Variants in ANKFN1 observed in about 807,000 individuals in gnomAD.
ANKFN1 encodes ankyrin repeat and fibronectin type III domain containing 1, also known as ankyrin repeat and fibronectin type-III domain-containing protein 1.
In ANKFN1, 74 loss-of-function variants were observed where a neutral mutation model predicts 108.7. The observed-to-expected ratio is 0.68, with a 90% confidence interval of 0.56 to 0.83. ANKFN1 has a LOEUF of 0.83. Among genes scored for constraint, ANKFN1 ranks in the 40% least tolerant of loss-of-function variants. ANKFN1 has a pLI of 0.00. For synonymous variants in ANKFN1, 547 were observed against 516.2 expected (o/e 1.06, Z -0.81); for missense variants, 1,505 against 1,382.3 (o/e 1.09, Z -1.41).
At chr17:56,375,090 TA>T (rs565923892) in intron 8 of ANKFN1, among the ~76,000 whole-genome samples, 383 of 151,976 alleles carry the variant, frequency 2.5e-3, no homozygotes, top group African/African-American at 8.9e-3. Context: ...AAGTAGGGGT[TA>T]AAAAAAACAA....
At chr17:56,172,618 T>C (rs1910781587) in intron 1 of ANKFN1, among the ~76,000 whole-genome samples, 1 of 151,852 alleles carries the variant, frequency 6.6e-6, no homozygotes, top group African/African-American at 2.4e-5. Context: ...CAACTCAGAG[T>C]CTAGAGGCTG....
chr17:56,136,255 T>C (rs1161394663), intron 4 of ANKFN1, among the ~76,000 whole-genome samples: 1 of 152,072 alleles, frequency 6.6e-6, no homozygotes, highest in Non-Finnish European at 1.5e-5. Flanking sequence ...GGCCCAGAGA[T>C]CCCAGTGTTC....
chr17:56,244,955 A>G (rs1371116346), intron 3 of ANKFN1, among the ~76,000 whole-genome samples: 1 of 152,148 alleles, frequency 6.6e-6, no homozygotes, highest in Non-Finnish European at 1.5e-5. Flanking sequence ...ATTTCAACAT[A>G]TGTTTCCCAA....
At chr17:56,218,183 TTCTCTCTC>T (rs72257132) in intron 2 of ANKFN1, among the ~76,000 whole-genome samples, 20 of 146,084 alleles carry the variant, frequency 1.4e-4, no homozygotes, top group Admixed American at 1.0e-3. Context: ...CCTTAGCCCC[TTCTCTCTC>T]TCTCTCTCTC....
intron 4 of ANKFN1, among the ~76,000 whole-genome samples, chr17:56,130,459 T>C (rs1013228189): frequency 1.3e-5 from 2 of 152,132 alleles, no homozygotes; most frequent in African/African-American, 2.4e-5. Flanking sequence ...CAAAGTGCAA[T>C]ATCTCAAGTA....
intron 1 of ANKFN1, among the ~76,000 whole-genome samples, chr17:56,161,413 T>C (rs1349495059): frequency 6.6e-6 from 1 of 152,198 alleles, no homozygotes; most frequent in African/African-American, 2.4e-5. Context: ...CACTCTGTAT[T>C]ACTTTGATAT....
chr17:56,347,754 G>A (rs150757550), intron 4 of ANKFN1, among the ~76,000 whole-genome samples: 1 of 152,086 alleles, frequency 6.6e-6, no homozygotes, highest in Admixed American at 6.6e-5. Context: ...GACAGCTGGG[G>A]GAGGATGAGA....
intron 11 of ANKFN1, among the ~76,000 whole-genome samples, chr17:56,454,128 T>C (rs1429759716): frequency 6.6e-6 from 1 of 152,228 alleles, no homozygotes; most frequent in Non-Finnish European, 1.5e-5. Flanking sequence ...ATTCAGATTT[T>C]GGTTCTCCCA....
chr17:56,371,016 A>G (rs541031593), intron 6 of ANKFN1, among the ~76,000 whole-genome samples: 157 of 151,682 alleles, frequency 1.0e-3, no homozygotes, highest in Non-Finnish European at 2.0e-3. Context: ...CAGCACTTAT[A>G]TTATCATTTA....
intron 20 of ANKFN1, among the ~76,000 whole-genome samples, chr17:56,506,348 T>A (rs1356626697): frequency 6.6e-6 from 1 of 152,094 alleles, no homozygotes; most frequent in Non-Finnish European, 1.5e-5. Flanking sequence ...GGGTGGATCC[T>A]ACACCCAATG....
In ANKFN1 at chr17:56,515,171, CAT is replaced by C. The variant is rs370842013; in HGVS notation, c.*3903_*3904del. 4.3e-4 allele frequency among the ~76,000 whole-genome samples: 65 copies of C among 152,204 alleles called. No individual in the cohort carries two copies. The highest frequency in any genetic ancestry group is 3.1e-3 in the East Asian group (16 of 5,178). On this transcript the variant is annotated 3_prime_UTR_variant, in exon 21 of 21. Coordinates refer to ENST00000682825, the MANE Select transcript of ANKFN1 (RefSeq NM_001370326.1). ...ATTCACTGGCTTCTGAAAATGTACA[CAT>C]GTTAGGAAGGTGATGACATTTTTCT...
chr17:56,412,466 T>C (rs2048120642), intron 8 of ANKFN1, among the ~76,000 whole-genome samples: 1 of 152,200 alleles, frequency 6.6e-6, no homozygotes, highest in African/African-American at 2.4e-5. Flanking sequence ...GTCAGTGGAC[T>C]GGGAGAGGCA....
intron 4 of ANKFN1, among the ~76,000 whole-genome samples, chr17:56,143,993 C>G (rs1908081915): frequency 6.6e-6 from 1 of 152,066 alleles, no homozygotes; most frequent in African/African-American, 2.4e-5. Context: ...GTGTGATAAT[C>G]TGCTATAGTA....
chr17:56,458,655 T>C lies in ANKFN1; in HGVS notation c.1557+676T>C, dbSNP rs2049796875. Reference sequence around the variant, plus strand: ...TTTTCTGGGTTTTCCTCTTACTGTTTTCTGGTATTAAGTGAATTTGTGAAT... The same window carrying C: ...TTTTCTGGGTTTTCCTCTTACTGTTCTCTGGTATTAAGTGAATTTGTGAAT... On this transcript the variant is annotated intron_variant, in intron 14 of 20. Transcript: ENST00000682825. Among the ~76,000 whole-genome samples, 3 of 152,194 alleles carry C rather than the reference T, an allele frequency of 2.0e-5. No homozygotes were observed. The South Asian group carries it at 6.2e-4, about 32-fold the overall frequency.
intron 8 of ANKFN1, among the ~76,000 whole-genome samples, chr17:56,431,749 GA>G (rs1239090713): frequency 6.6e-6 from 1 of 152,242 alleles, no homozygotes; most frequent in African/African-American, 2.4e-5. Context: ...CATCTGGCAA[GA>G]AAGTTGAACT....
intron 4 of ANKFN1, among the ~76,000 whole-genome samples, chr17:56,082,749 G>A (rs964115673): frequency 1.3e-5 from 2 of 152,186 alleles, no homozygotes; most frequent in African/African-American, 4.8e-5. Context: ...ACAATCTGGT[G>A]AGACAACACA....
At chr17:56,258,835 C>T (rs979599112) in intron 3 of ANKFN1, among the ~76,000 whole-genome samples, 2 of 152,028 alleles carry the variant, frequency 1.3e-5, no homozygotes, top group Admixed American at 1.3e-4. Flanking sequence ...GGCGTGAACC[C>T]GGGAGGCGGA....
chr17:56,072,152 C>T (rs1175511799), intron 4 of ANKFN1, among the ~76,000 whole-genome samples: 1 of 152,200 alleles, frequency 6.6e-6, no homozygotes, highest in Non-Finnish European at 1.5e-5. Flanking sequence ...TGTTAACTCT[C>T]TCTGTATTGG....
chr17:56,425,503 T>C (rs940694292), intron 8 of ANKFN1, among the ~76,000 whole-genome samples: 2 of 152,254 alleles, frequency 1.3e-5, no homozygotes, highest in African/African-American at 2.4e-5. Flanking sequence ...TTTCAAATAA[T>C]GTTGATACTT....
Sources: allele counts gnomAD v4.1 joint callset (sites outside exome capture counted in the v4.1 genomes callset), GRCh38; gene constraint gnomAD v4.1.1; transcripts MANE v1.5; gene names NCBI Gene and HGNC (gene_info 2026-07-23, HGNC 2026-07-21).